The following MYOM1 variants were observed in gnomAD, a reference collection of about 807,000 sequenced individuals.
The protein encoded by MYOM1 is myomesin 1.
A neutral mutation model predicts 205.3 loss-of-function variants in MYOM1; 164 were observed. That is an observed-to-expected ratio of 0.80 (90% CI 0.70 to 0.91). The LOEUF is 0.91. Among genes scored for constraint, MYOM1 ranks in the 40% least tolerant of loss-of-function variants. MYOM1 has a pLI of 0.00. For synonymous variants in MYOM1, 772 were observed against 789.4 expected (o/e 0.98, Z 0.37); for missense variants, 2,011 against 2,127.3 (o/e 0.95, Z 1.08).
intron 22 of MYOM1, among the ~76,000 whole-genome samples, chr18:3,105,285 C>G (rs2143774175): frequency 6.6e-6 from 1 of 152,238 alleles, no homozygotes; most frequent in East Asian, 1.9e-4. Context: ...TATCACAACA[C>G]TGTGTATTAA....
the MYOM1 span, among the ~76,000 whole-genome samples, chr18:3,231,695 C>T: frequency 6.6e-6 from 1 of 151,746 alleles, no homozygotes; most frequent in Admixed American, 6.6e-5. Context: ...AGGTGCGTGC[C>T]ACCACGCCCA....
the MYOM1 span, among the ~76,000 whole-genome samples, chr18:3,225,524 T>A: frequency 6.6e-6 from 1 of 152,176 alleles, no homozygotes; most frequent in South Asian, 2.1e-4. Flanking sequence ...TGGCCTCTGT[T>A]GAAGCTCCCA....
intron 31 of MYOM1, among the ~76,000 whole-genome samples, chr18:3,084,379 T>C (rs1469758522): frequency 6.6e-6 from 1 of 151,210 alleles, no homozygotes; most frequent in African/African-American, 2.5e-5. Context: ...GGACATTTTC[T>C]TAGCCGTGTC....
intron 10 of MYOM1, among the ~76,000 whole-genome samples, chr18:3,155,504 G>C (rs539168226): frequency 1.2e-3 from 183 of 152,294 alleles, no homozygotes; most frequent in African/African-American, 4.4e-3. Flanking sequence ...GATTACAGGC[G>C]TGAGCCATCA....
intron 36 of MYOM1, 87 bp downstream of exon 36, chr18:3,075,367 C>T: frequency 7.9e-7 from 1 of 1,271,572 alleles, no homozygotes; most frequent in Non-Finnish European, 1.1e-6. Context: ...CCATTCTCCT[C>T]CATCTGTAGT....
chr18:3,104,480 CA>C (rs914880549), intron 22 of MYOM1, among the ~76,000 whole-genome samples: 2 of 150,394 alleles, frequency 1.3e-5, no homozygotes, highest in Non-Finnish European at 3.0e-5. Flanking sequence ...AAGTGTACAA[CA>C]AAAATATTGG....
At chr18:3,171,880 A>G (rs1487204387) in intron 8 of MYOM1, among the ~76,000 whole-genome samples, 1 of 152,192 alleles carries the variant, frequency 6.6e-6, no homozygotes, top group Non-Finnish European at 1.5e-5. Context: ...CACAAAGTCT[A>G]CAATATTTAC....
chr18:3,149,185 G>C lies in MYOM1; in HGVS notation c.1860C>G (p.Pro620=). 1 of 1,611,918 alleles carries C rather than the reference G, an allele frequency of 6.2e-7. No homozygotes were observed. The highest frequency in any genetic ancestry group is 8.5e-7 in the Non-Finnish European group (1 of 1,179,230). ...KARLKSRPSA[P]WTGQIIVTEE... ...CAGTAACAATGATCTGTCCAGTCCA[G>C]GGTGCTGAGGGGCGACCTGAATAAA... Residue 620 remains proline, a synonymous_variant, in exon 13 of 38, where the codon CCC becomes CCG. Coordinates refer to ENST00000356443, the MANE Select transcript of MYOM1 (RefSeq NM_003803.4).
Position 3,214,841 on chromosome 18 carries a change from G to A in MYOM1, c.290+93C>T, listed in dbSNP as rs1200576271. 2.1e-6 allele frequency: 3 copies of A among 1,408,508 alleles called. No individual in the cohort carries two copies. The East Asian group carries it at 7.2e-5, about 34-fold the overall frequency. The allele number at this position is 1,408,508 out of a possible 1,614,324, so 87.3% of individuals were successfully genotyped here. On this transcript the variant is annotated intron_variant, in intron 2 of 37. Transcript: ENST00000356443. The stretch of plus-strand genomic sequence containing the variant: ...AACTCTGTCTCAAAAAACCAAAACC[G>A]AACCGAAACAAAGCGAGAAGTAACT...
chr18:3,205,173 C>T (rs2144223082), intron 2 of MYOM1, among the ~76,000 whole-genome samples: 1 of 152,038 alleles, frequency 6.6e-6, no homozygotes, highest in East Asian at 1.9e-4. Flanking sequence ...TCAAAGAGTT[C>T]TTAGATAAAA....
At chr18:3,202,704 A>T (rs59979261) in intron 2 of MYOM1, among the ~76,000 whole-genome samples, 2 of 152,170 alleles carry the variant, frequency 1.3e-5, no homozygotes, top group Non-Finnish European at 2.9e-5. Context: ...ACTGAAAAAT[A>T]ATAGTTGGAG....
chr18:3,126,226 C>T (rs951582508), intron 19 of MYOM1, among the ~76,000 whole-genome samples: 1 of 147,156 alleles, frequency 6.8e-6, no homozygotes, highest in Non-Finnish European at 1.5e-5. Context: ...GATCACACTC[C>T]TGCATTCCAG....
At chr18:3,232,796 T>C in the MYOM1 span, among the ~76,000 whole-genome samples, 1 of 151,720 alleles carries the variant, frequency 6.6e-6, no homozygotes, top group Non-Finnish European at 1.5e-5. Context: ...TCAGTTTTAA[T>C]AATCTATTTT....
chr18:3,109,907 A>G (rs186240091), intron 22 of MYOM1, among the ~76,000 whole-genome samples: 1 of 152,266 alleles, frequency 6.6e-6, no homozygotes, highest in East Asian at 1.9e-4. Context: ...TTACAGGGCC[A>G]AGACAGCATT....
At chr18:3,154,776 G>C (rs1394988534) in intron 11 of MYOM1, among the ~76,000 whole-genome samples, 171 bp downstream of exon 11, 1 of 151,898 alleles carries the variant, frequency 6.6e-6, no homozygotes, top group African/African-American at 2.4e-5. Flanking sequence ...GAGAGCGAGA[G>C]ACTGAGACAG....
chr18:3,150,194 G>T (rs1336473203), intron 12 of MYOM1, among the ~76,000 whole-genome samples: 1 of 152,112 alleles, frequency 6.6e-6, no homozygotes, highest in Non-Finnish European at 1.5e-5. Context: ...CGAGTAGCTG[G>T]GATTACAGGC....
At chr18:3,096,547 T>G (rs2079307226) in intron 25 of MYOM1, among the ~76,000 whole-genome samples, 1 of 151,880 alleles carries the variant, frequency 6.6e-6, no homozygotes, top group Non-Finnish European at 1.5e-5. Flanking sequence ...TTCAAGAGAT[T>G]CTTGTACCTT....
chr18:3,172,024 G>A (rs1182660731), intron 8 of MYOM1, among the ~76,000 whole-genome samples: 2 of 152,098 alleles, frequency 1.3e-5, no homozygotes, highest in African/African-American at 2.4e-5. Flanking sequence ...TTGGCATAGC[G>A]CAGATAGAAA....
At chr18:3,127,307 T>TATATATATATATATATATG (rs1598701167) in intron 18 of MYOM1, among the ~76,000 whole-genome samples, 2 of 27,680 alleles carry the variant, frequency 7.2e-5, no homozygotes, top group Non-Finnish European at 1.4e-4. Context: ...ATATATATAT[T>TATATATATATATATATATG]TTTTTTTTTT....
Sources: gnomAD v4.1 joint callset for allele counts (sites outside exome capture counted in the v4.1 genomes callset) on GRCh38, gnomAD v4.1.1 for gene constraint, MANE v1.5 for transcripts, NCBI Gene and HGNC (gene_info 2026-07-23, HGNC 2026-07-21) for gene names.